Variants in ZNF506 observed in about 807,000 individuals in gnomAD.
ZNF506 encodes zinc finger protein 506.
Under a neutral mutation model 11.6 loss-of-function variants are expected in ZNF506, and 10 were observed. That is an observed-to-expected ratio of 0.86 (90% CI 0.53 to 1.46). The LOEUF is 1.46. Ranked by LOEUF, ZNF506 falls within the 40% of genes most tolerant of loss-of-function variation. The pLI, the probability that ZNF506 is intolerant of heterozygous loss-of-function variation, is 0.00. For missense variants in ZNF506, 425 were observed against 521.2 expected, an observed-to-expected ratio of 0.82 and a Z score of 1.80; for synonymous variants, 156 against 173.3, an observed-to-expected ratio of 0.90 and a Z score of 0.78.
At chr19:19,802,853 G>C (rs556267346) in intron 3 of ZNF506, among the ~76,000 whole-genome samples, 2 of 152,286 alleles carry the variant, frequency 1.3e-5, no homozygotes, top group African/African-American at 4.8e-5. Flanking sequence ...GCAAAAAAAG[G>C]TTAGCTATCC....
At chr19:19,799,336 C>G in intron 3 of ZNF506, 1 of 514,414 alleles carries the variant, frequency 1.9e-6, no homozygotes, top group Non-Finnish European at 3.4e-6. Flanking sequence ...GAACAGAGGA[C>G]TAGAAGGCAG....
At chr19:19,808,122 T>TTTTTG (rs2062850600) in intron 1 of ZNF506, among the ~76,000 whole-genome samples, 1 of 107,260 alleles carries the variant, frequency 9.3e-6, no homozygotes, top group African/African-American at 4.0e-5. Flanking sequence ...TTTTTTTTTT[T>TTTTTG]TTTTTTTTTT....
At chr19:19,811,658 C>T (rs1053548590) in intron 1 of ZNF506, among the ~76,000 whole-genome samples, 6 of 151,872 alleles carry the variant, frequency 4.0e-5, no homozygotes, top group East Asian at 3.9e-4. Context: ...AAAAATTAGC[C>T]GGATGCGATG....
chr19:19,814,907 T>C (rs1313933269), intron 1 of ZNF506, among the ~76,000 whole-genome samples: 2 of 152,104 alleles, frequency 1.3e-5, no homozygotes, highest in African/African-American at 4.8e-5. Flanking sequence ...TGAGTGGGAA[T>C]ATGCTAGGAG....
rs1488003846 is a variant in ZNF506 at position 19,795,248 on chromosome 19, G to A, written c.639C>T (p.Ser213=). 1.2e-6 allele frequency: 2 copies of A among 1,613,898 alleles called. No homozygotes were observed. Among genetic ancestry groups the A allele is most frequent in the Admixed American group, 3.3e-5 (2 of 60,008 alleles). ...CEECGKAYKQ[S]SHLTTHKKIH... is the part of the protein sequence containing the mutation. ...TTTTCTTATGTGTAGTAAGGTGTGA[G>A]GACTGCTTATAGGCTTTACCACATT... The change falls in exon 4 of 4, where the codon TCC becomes TCT. Residue 213 remains serine, a synonymous_variant. Transcript: ENST00000540806.
intron 1 of ZNF506, among the ~76,000 whole-genome samples, chr19:19,808,843 C>CAAAAAAAAAAA (rs35282430): frequency 2.4e-5 from 2 of 82,690 alleles, no homozygotes; most frequent in African/African-American, 9.1e-5. Context: ...GACTCTGTCT[C>CAAAAAAAAAAA]AAAAAAAAAA....
Position 19,814,395 on chromosome 19 carries a change from C to T in ZNF506, c.3+7206G>A, listed in dbSNP as rs564117771. Among the ~76,000 whole-genome samples, 4 of 92,854 alleles carry T rather than the reference C, an allele frequency of 4.3e-5. No individual in the cohort carries two copies. The East Asian group carries it at 2.7e-3, about 62-fold the overall frequency. 60.9% of individuals were successfully genotyped at this position (92,854 alleles called of 152,430 possible). On this transcript the variant is annotated intron_variant, in intron 1 of 3. Transcript: ENST00000540806. ...TGCACACCACCCTGGGCAGCAAGTG[C>T]AAAACTCCATCTCAAAATAATAATA...
intron 3 of ZNF506, among the ~76,000 whole-genome samples, chr19:19,801,683 C>T (rs760755973): frequency 3.3e-5 from 5 of 151,236 alleles, no homozygotes; most frequent in Non-Finnish European, 7.4e-5. Context: ...CCCAGCTACT[C>T]GGGAGGCTGT....
chr19:19,814,200 G>A (rs949116909), intron 1 of ZNF506, among the ~76,000 whole-genome samples: 12 of 151,848 alleles, frequency 7.9e-5, no homozygotes, highest in East Asian at 1.9e-4. Flanking sequence ...CATGAGGTGC[G>A]GAGTTTGAGA....
Position 19,795,651 on chromosome 19 carries a change from G to C in ZNF506, c.236C>G (p.Ser79Cys), listed in dbSNP as rs938434163. 1 of 1,497,424 alleles carries C rather than the reference G, an allele frequency of 6.7e-7. No homozygotes were observed. Among genetic ancestry groups the C allele is most frequent in the Non-Finnish European group, 8.9e-7 (1 of 1,126,432 alleles). 92.8% of individuals were successfully genotyped at this position (1,497,424 alleles called of 1,614,324 possible). ...TGACCAAAGGTCTTGGGCAAAATGA[G>C]AATACATAACTGAAAGAAACAATAA... is the stretch of plus-strand genomic sequence containing the variant. ...EMIAKPPVMY[S>C]HFAQDLWSEQ... Residue 79 changes from serine (S) to cysteine (C), a missense_variant, in exon 4 of 4, where the codon TCT becomes TGT. This residue lies in a region of ZNF506 where 226 missense variants were observed against 279.1 expected (regional missense o/e 0.81). Coordinates refer to ENST00000540806, the MANE Select transcript of ZNF506 (RefSeq NM_001099269.3).
chr19:19,800,391 A>AATATATATATATATAT (rs3062863), intron 3 of ZNF506, among the ~76,000 whole-genome samples: 6 of 139,236 alleles, frequency 4.3e-5, no homozygotes, highest in East Asian at 2.4e-4. Flanking sequence ...AACTAAACAG[A>AATATATATATATATAT]ATATATATAT....
chr19:19,808,709 G>C (rs1251842003), intron 1 of ZNF506, among the ~76,000 whole-genome samples: 1 of 151,414 alleles, frequency 6.6e-6, no homozygotes, highest in African/African-American at 2.4e-5. Context: ...CGGGCGTGGT[G>C]GCGGGCACCT....
intron 1 of ZNF506, among the ~76,000 whole-genome samples, chr19:19,808,767 C>G (rs951841111): frequency 7.1e-6 from 1 of 141,358 alleles, no homozygotes; most frequent in African/African-American, 2.7e-5. Flanking sequence ...TGTTTGACCC[C>G]GGGAGGTGAA....
intron 1 of ZNF506, among the ~76,000 whole-genome samples, chr19:19,808,057 T>C (rs1163610415): frequency 1.4e-5 from 2 of 143,904 alleles, no homozygotes; most frequent in Non-Finnish European, 3.0e-5. Flanking sequence ...AATAACTCTA[T>C]AGTGAAAAAA....
intron 1 of ZNF506, among the ~76,000 whole-genome samples, chr19:19,808,859 A>AAG (rs1555772569): frequency 1.3e-5 from 2 of 151,650 alleles, no homozygotes; most frequent in African/African-American, 4.8e-5. Flanking sequence ...AAAAAAAAAA[A>AAG]AAAAGAAACA....
In ZNF506 at chr19:19,821,181, G is replaced by C. The variant is rs1350212380; in HGVS notation, c.3+420C>G. ...CCCAACGTGCTGGGATTACAGGGGT[G>C]ACCCACCACGCCCGGCCCAATAAAT... is the stretch of plus-strand genomic sequence containing the variant. On this transcript the variant is annotated intron_variant, in intron 1 of 3. Coordinates refer to ENST00000540806, the MANE Select transcript of ZNF506 (RefSeq NM_001099269.3). 2.0e-5 allele frequency among the ~76,000 whole-genome samples: 3 copies of C among 152,312 alleles called. No homozygotes were observed. In the East Asian group the frequency reaches 5.8e-4, roughly 29 times the overall value.
At chr19:19,806,630 T>A (rs1421381353) in intron 2 of ZNF506, among the ~76,000 whole-genome samples, 1 of 152,220 alleles carries the variant, frequency 6.6e-6, no homozygotes, top group Non-Finnish European at 1.5e-5. Flanking sequence ...TGGGTTCTAC[T>A]AAATCAAAAA....
Position 19,794,679 on chromosome 19 carries a change from C to T in ZNF506, c.1208G>A (p.Gly403Asp), listed in dbSNP as rs2062722645. 1 of 1,614,090 alleles carries T rather than the reference C, an allele frequency of 6.2e-7. No individual in the cohort carries two copies. The highest frequency in any genetic ancestry group is 8.5e-7 in the Non-Finnish European group (1 of 1,180,008). The change falls in exon 4 of 4, where the codon GGC becomes GAC. Residue 403 changes from glycine (G) to aspartate (D), a missense_variant. This residue lies in a region of ZNF506 where 192 missense variants were observed against 215.7 expected (regional missense o/e 0.89). Coordinates refer to ENST00000540806, the MANE Select transcript of ZNF506 (RefSeq NM_001099269.3). Reference sequence around the variant, plus strand: ...GGCTGAGGACCAGTTAAAAGCTTTGCCACATTCTTCACATTTGTACGGTTT... The same window carrying T: ...GGCTGAGGACCAGTTAAAAGCTTTGTCACATTCTTCACATTTGTACGGTTT... Reference protein sequence around the residue: ...GEKPYKCEECGKAFNWSSALN... With the variant: ...GEKPYKCEECDKAFNWSSALN...
chr19:19,808,162 C>T (rs1442213894), intron 1 of ZNF506, among the ~76,000 whole-genome samples: 5 of 111,472 alleles, frequency 4.5e-5, no homozygotes, highest in African/African-American at 7.1e-5. Flanking sequence ...CTCGCTAGGT[C>T]GCCCAGGCCG....
Sources: gnomAD v4.1 joint callset for allele counts (sites outside exome capture counted in the v4.1 genomes callset) on GRCh38, gnomAD v4.1.1 for gene constraint, gnomAD v4.1.1 regional missense constraint, MANE v1.5 for transcripts, NCBI Gene and HGNC (gene_info 2026-07-23, HGNC 2026-07-21) for gene names.